Variants in VSTM2L observed in about 807,000 individuals in gnomAD.
VSTM2L encodes the protein V-set and transmembrane domain-containing protein 2-like protein.
A neutral mutation model predicts 19.9 loss-of-function variants in VSTM2L; 9 were observed. The ratio of observed to expected loss-of-function variants is 0.45; its 90% confidence interval spans 0.27 to 0.79. VSTM2L has a LOEUF of 0.79. Among genes scored for constraint, VSTM2L ranks in the 30% least tolerant of loss-of-function variants. The pLI, the probability that VSTM2L is intolerant of heterozygous loss-of-function variation, is 0.15. For synonymous variants in VSTM2L, 127 were observed against 133.8 expected, an observed-to-expected ratio of 0.95 and a Z score of 0.35; for missense variants, 286 against 295.5, an observed-to-expected ratio of 0.97 and a Z score of 0.24.
chr20:37,936,196 G>A lies in VSTM2L; in HGVS notation c.342+2607G>A, dbSNP rs572025659. On this transcript the variant is annotated intron_variant, in intron 3 of 3. Transcript: ENST00000373461. ...CAGGCATGAGGCACCGCGCCTGGTT[G>A]GTGTGGATCCCATGTCTGTTCACAT... 2.3e-4 allele frequency among the ~76,000 whole-genome samples: 35 copies of A among 152,040 alleles called. No individual in the cohort carries two copies. In the East Asian group the frequency reaches 6.4e-3, roughly 28 times the overall value.
chr20:37,936,051 A>AT (rs5841281), intron 3 of VSTM2L, among the ~76,000 whole-genome samples: 93,244 of 138,900 alleles, frequency 0.67, 31,729 homozygotes, highest in South Asian at 0.79. Flanking sequence ...TACCTAGCTA[A>AT]TTTTTTTTTT....
At chr20:37,909,963 C>T (rs1262848126) in intron 1 of VSTM2L, among the ~76,000 whole-genome samples, 2 of 152,172 alleles carry the variant, frequency 1.3e-5, no homozygotes, top group Non-Finnish European at 2.9e-5. Context: ...CCTCCAGGTT[C>T]CCTTCTCACA....
intron 3 of VSTM2L, among the ~76,000 whole-genome samples, chr20:37,939,073 C>T (rs1371087143): frequency 6.6e-6 from 1 of 152,164 alleles, no homozygotes; most frequent in Non-Finnish European, 1.5e-5. Flanking sequence ...TCAGTTTCTT[C>T]ACCTGCATCA....
At chr20:37,904,383 C>T (rs76672317) in intron 1 of VSTM2L, among the ~76,000 whole-genome samples, 2,161 of 152,352 alleles carry the variant, frequency 0.014, 16 homozygotes, top group Middle Eastern at 0.027. Context: ...CAACTCCAGC[C>T]GCTGTGGAAG....
At chr20:37,934,806 C>T (rs1014127965) in intron 3 of VSTM2L, among the ~76,000 whole-genome samples, 5 of 152,112 alleles carry the variant, frequency 3.3e-5, no homozygotes, top group African/African-American at 4.8e-5. Context: ...CCCCTTCAGG[C>T]GGGAGGGGGT....
chr20:37,925,545 GACAGGCC>G (rs2072875058), intron 1 of VSTM2L, among the ~76,000 whole-genome samples: 1 of 152,142 alleles, frequency 6.6e-6, no homozygotes, highest in South Asian at 2.1e-4. Context: ...TGGAGGTCGG[GACAGGCC>G]TTGGTGCTGC....
rs140889996 is a variant in VSTM2L at position 37,917,562 on chromosome 20, A to G, written c.122-14073A>G. Reference sequence around the variant, plus strand: ...TAATCCTCAAAATAAGCCTGTAATCAATGACACAGTGGGAAACCAGAGCTC... The same window carrying G: ...TAATCCTCAAAATAAGCCTGTAATCGATGACACAGTGGGAAACCAGAGCTC... On this transcript the variant is annotated intron_variant, in intron 1 of 3. Coordinates refer to ENST00000373461, the MANE Select transcript of VSTM2L (RefSeq NM_080607.3). Among the ~76,000 whole-genome samples, 5 of 152,344 alleles carry G rather than the reference A, an allele frequency of 3.3e-5. No homozygotes were observed. In the East Asian group the frequency reaches 9.6e-4, roughly 29 times the overall value.
chr20:37,914,331 ATGGG>A (rs2072799278), intron 1 of VSTM2L, among the ~76,000 whole-genome samples: 1 of 4,944 alleles, frequency 2.0e-4, no homozygotes, highest in African/African-American at 7.1e-4. Context: ...TGTGTGGGGT[ATGGG>A]TGTATGTGTG....
At chr20:37,908,529 T>C (rs74516511) in intron 1 of VSTM2L, among the ~76,000 whole-genome samples, 1,921 of 152,220 alleles carry the variant, frequency 0.013, 34 homozygotes, top group African/African-American at 0.044. Flanking sequence ...AATGGAGAGA[T>C]TGGCTGGGCA....
chr20:37,919,127 C>T (rs904193811), intron 1 of VSTM2L, among the ~76,000 whole-genome samples: 2 of 152,202 alleles, frequency 1.3e-5, no homozygotes, highest in African/African-American at 2.4e-5. Context: ...GTAGGGGGTC[C>T]ATCAGAGCTG....
Position 37,945,104 on chromosome 20 carries a change from A to G in VSTM2L, c.*851A>G. ...CAGGGCCTGGGGCTGTTGGGAGCCAAGGGCCCCCTGGTACTCAGTTCCCTC... is the reference window on the plus strand; with the variant it reads ...CAGGGCCTGGGGCTGTTGGGAGCCAGGGGCCCCCTGGTACTCAGTTCCCTC... On this transcript the variant is annotated 3_prime_UTR_variant, in exon 4 of 4. Transcript: ENST00000373461. 1 of 985,670 alleles carries G rather than the reference A, an allele frequency of 1.0e-6. No homozygotes were observed. Among genetic ancestry groups the G allele is most frequent in the Non-Finnish European group, 1.2e-6 (1 of 829,866 alleles). 61.1% of individuals were successfully genotyped at this position (985,670 alleles called of 1,614,324 possible). A position where few individuals can be genotyped will look rare whatever the true frequency, so the allele number is the denominator to read the frequency against.
At chr20:37,916,481 A>C (rs1311267266) in intron 1 of VSTM2L, among the ~76,000 whole-genome samples, 12 of 152,152 alleles carry the variant, frequency 7.9e-5, no homozygotes, top group African/African-American at 2.9e-4. Flanking sequence ...GTTCTCCTTA[A>C]ATCTCCCTAG....
intron 1 of VSTM2L, among the ~76,000 whole-genome samples, chr20:37,911,774 C>T (rs1380448597): frequency 6.6e-6 from 1 of 152,200 alleles, no homozygotes; most frequent in East Asian, 1.9e-4. Context: ...CCTCTCTGGG[C>T]CTCAGTTTCC....
intron 3 of VSTM2L, 41 bp from the exon 4 acceptor site, chr20:37,943,940 G>T: frequency 1.0e-6 from 1 of 992,456 alleles, no homozygotes; most frequent in Non-Finnish European, 1.3e-6. Flanking sequence ...CTCCCCCACT[G>T]TCACTGGATG....
rs550274949 is a variant in VSTM2L, at chr20:37,926,868, C to T, written c.122-4767C>T. On this transcript the variant is annotated intron_variant, in intron 1 of 3. Transcript: ENST00000373461. ...CTAAGATGTCAAACACATGTGGCCA[C>T]TGAGCCCTGGGAATGGCAGGACTGA... 2.6e-5 allele frequency among the ~76,000 whole-genome samples: 4 copies of T among 152,352 alleles called. No individual in the cohort carries two copies. The East Asian group carries it at 7.7e-4, about 29-fold the overall frequency.
rs558136590 is a variant in VSTM2L at position 37,912,508 on chromosome 20, C to T, written c.121+9037C>T. 3.2e-3 allele frequency among the ~76,000 whole-genome samples: 484 copies of T among 152,110 alleles called. 4 individuals are homozygous for T. The highest frequency in any genetic ancestry group is 0.011 in the African/African-American group (465 of 41,492). On this transcript the variant is annotated intron_variant, in intron 1 of 3. Transcript: ENST00000373461. ...GTGTTTCTGTCTGACTGTGTGGGTG[C>T]GGGCTGTGTCTGGGGGGTGACTGTG...
intron 1 of VSTM2L, among the ~76,000 whole-genome samples, chr20:37,910,373 T>G (rs1201733668): frequency 6.6e-6 from 1 of 152,228 alleles, no homozygotes; most frequent in Non-Finnish European, 1.5e-5. Flanking sequence ...CAGGCTGCCC[T>G]GTCACACTGC....
intron 1 of VSTM2L, among the ~76,000 whole-genome samples, chr20:37,925,980 A>G (rs1382550074): frequency 6.6e-6 from 1 of 152,154 alleles, no homozygotes; most frequent in East Asian, 1.9e-4. Context: ...GTGCCTGCCC[A>G]GGCCTTTGCA....
At position 37,944,887 on chromosome 20, in the gene VSTM2L, G is replaced by T; in HGVS notation, c.*634G>T. On this transcript the variant is annotated 3_prime_UTR_variant, in exon 4 of 4. Coordinates refer to ENST00000373461, the MANE Select transcript of VSTM2L (RefSeq NM_080607.3). ...CCCTGTGCGACCCTCCAGGGATGCAGGGGATCCAGGATTCTCTGCCCTGTC... is the reference window on the plus strand; with the variant it reads ...CCCTGTGCGACCCTCCAGGGATGCATGGGATCCAGGATTCTCTGCCCTGTC... The T allele has an allele frequency of 1.0e-6, 1 of 985,972 alleles. No homozygotes were observed. Among genetic ancestry groups the T allele is most frequent in the Non-Finnish European group, 1.2e-6 (1 of 830,056 alleles). 61.1% of individuals were successfully genotyped at this position (985,972 alleles called of 1,614,324 possible). A position where few individuals can be genotyped will look rare whatever the true frequency, so the allele number is the denominator to read the frequency against.
Sources: allele counts gnomAD v4.1 joint callset (sites outside exome capture counted in the v4.1 genomes callset), GRCh38; gene constraint gnomAD v4.1.1; transcripts MANE v1.5; gene names NCBI Gene and HGNC (gene_info 2026-07-23, HGNC 2026-07-21).